AGAP5: variants seen among roughly 807,000 people sequenced by gnomAD.
The protein encoded by AGAP5 is ArfGAP with GTPase domain, ankyrin repeat and PH domain 5.
AGAP5 carries 8 observed loss-of-function variants against 27.7 expected under a neutral mutation model. The ratio of observed to expected loss-of-function variants is 0.29; its 90% confidence interval spans 0.17 to 0.52. The LOEUF is 0.52. Among genes scored for constraint, AGAP5 ranks in the 20% least tolerant of loss-of-function variants. The pLI is 0.97. For synonymous variants in AGAP5, 111 were observed against 338.0 expected, an observed-to-expected ratio of 0.33 and a Z score of 7.37; for missense variants, 285 against 880.8, an observed-to-expected ratio of 0.32 and a Z score of 8.56.
In AGAP5 at chr10:73,686,169, T is replaced by C. The variant is rs1349021639; in HGVS notation, c.397-3375A>G. ...GATTTCAAACTATACTATAAGGCCA[T>C]AGTCGCCAAAATAGCACGGTACTGA... On this transcript the variant is annotated intron_variant, in intron 4 of 7. Coordinates refer to ENST00000374094, the MANE Select transcript of AGAP5 (RefSeq NM_001144000.4). Among the ~76,000 whole-genome samples, 3 of 152,176 alleles carry C rather than the reference T, an allele frequency of 2.0e-5. No individual in the cohort carries two copies. The East Asian group carries it at 5.8e-4, about 29-fold the overall frequency.
intron 4 of AGAP5, among the ~76,000 whole-genome samples, chr10:73,691,790 C>A (rs974320986): frequency 4.7e-4 from 71 of 152,062 alleles, no homozygotes; most frequent in African/African-American, 1.7e-3. Flanking sequence ...CCATGCCCAG[C>A]CTTAAGGCAG....
chr10:73,695,956 C>A (rs1269542415), intron 2 of AGAP5, among the ~76,000 whole-genome samples: 2 of 152,136 alleles, frequency 1.3e-5, no homozygotes, highest in Non-Finnish European at 2.9e-5. Flanking sequence ...TCTTTTCTAC[C>A]AGCTCCCATC....
chr10:73,688,524 C>T (rs3878047), intron 4 of AGAP5, among the ~76,000 whole-genome samples: 1 of 150,878 alleles, frequency 6.6e-6, no homozygotes, highest in Admixed American at 6.6e-5. Flanking sequence ...AAAAAAAAAA[C>T]CTTAAAACAC....
At chr10:73,686,334 G>A (rs1039313081) in intron 4 of AGAP5, among the ~76,000 whole-genome samples, 5 of 152,170 alleles carry the variant, frequency 3.3e-5, no homozygotes, top group Non-Finnish European at 7.3e-5. Flanking sequence ...AAATGGTGCT[G>A]GGATAATTGG....
rs538756466 is a variant in AGAP5 at position 73,679,384 on chromosome 10, G to A, written c.533+687C>T. Among the ~76,000 whole-genome samples the A allele has an allele frequency of 2.1e-4, 32 of 151,894 alleles. 1 individual carries two copies. The South Asian group carries it at 6.7e-3, about 32-fold the overall frequency. On this transcript the variant is annotated intron_variant, in intron 6 of 7. Coordinates refer to ENST00000374094, the MANE Select transcript of AGAP5 (RefSeq NM_001144000.4). ...TCGCCGTGTTAGCCAGAATGGTCTC[G>A]ATCTCCTGACCTTGTGATCCGCCCG...
At chr10:73,687,145 A>C (rs2082071462) in intron 4 of AGAP5, among the ~76,000 whole-genome samples, 1 of 152,164 alleles carries the variant, frequency 6.6e-6, no homozygotes, top group African/African-American at 2.4e-5. Context: ...TAAATAAATA[A>C]AGTACAGCAT....
intron 4 of AGAP5, among the ~76,000 whole-genome samples, chr10:73,691,038 C>T (rs1589475757): frequency 1.3e-5 from 2 of 152,156 alleles, no homozygotes; most frequent in East Asian, 3.8e-4. Context: ...TGTTAGAAAA[C>T]AGGCAAATGA....
At chr10:73,676,445 G>A (rs2081980889) in intron 7 of AGAP5, among the ~76,000 whole-genome samples, 1 of 141,838 alleles carries the variant, frequency 7.1e-6, no homozygotes, top group Admixed American at 7.1e-5. Context: ...AAGATCGCGC[G>A]ATTGCACTCC....
intron 3 of AGAP5, among the ~76,000 whole-genome samples, chr10:73,693,772 C>T (rs1202820558): frequency 2.0e-5 from 3 of 148,930 alleles, no homozygotes; most frequent in African/African-American, 5.2e-5. Context: ...TGTGGAACCA[C>T]CTGCTTCCCC....
At chr10:73,680,490 T>C (rs2082016524) in intron 5 of AGAP5, among the ~76,000 whole-genome samples, 2 of 125,414 alleles carry the variant, frequency 1.6e-5, no homozygotes, top group East Asian at 4.6e-4. Flanking sequence ...CCATCTTGAC[T>C]CCTCACAACC....
At chr10:73,689,012 C>T (rs1397999805) in intron 4 of AGAP5, among the ~76,000 whole-genome samples, 1 of 152,154 alleles carries the variant, frequency 6.6e-6, no homozygotes, top group African/African-American at 2.4e-5. Flanking sequence ...CTCCGCCTCT[C>T]CCCACAGTCT....
At position 73,674,760 on chromosome 10, in the gene AGAP5, T is replaced by C; in HGVS notation, c.1900A>G (p.Lys634Glu). ...GCTALHLACR[K>E]GNVVLAQLLI... is the part of the protein sequence containing the mutation. ...AGCTGTGCCAGGACCACATTCCCCTTGCGGCAGGCCAGATGGAGCGCCGTG... is the reference window on the plus strand; with the variant it reads ...AGCTGTGCCAGGACCACATTCCCCTCGCGGCAGGCCAGATGGAGCGCCGTG... The change falls in exon 8 of 8, where the codon AAG becomes GAG. Residue 634 changes from lysine (K) to glutamate (E), a missense_variant. By Grantham distance (56) the Lys-to-Glu change is moderately conservative (BLOSUM62 1). Transcript: ENST00000374094. The C allele has an allele frequency of 6.2e-7, 1 of 1,612,058 alleles. No individual in the cohort carries two copies. Among genetic ancestry groups the C allele is most frequent in the South Asian group, 1.1e-5 (1 of 90,994 alleles).
In AGAP5 at chr10:73,685,969, T is replaced by C. The variant is rs530216314; in HGVS notation, c.397-3175A>G. ...ATGGGTAGAATGAATATTGTGAAAA[T>C]GACCATACTGCCAAAAGCAATCTAT... On this transcript the variant is annotated intron_variant, in intron 4 of 7. Transcript: ENST00000374094. Among the ~76,000 whole-genome samples, 174 of 152,140 alleles carry C rather than the reference T, an allele frequency of 1.1e-3. 5 individuals carry two copies. The East Asian group carries it at 0.026, about 23-fold the overall frequency.
At chr10:73,679,185 C>T (rs1461884408) in intron 6 of AGAP5, among the ~76,000 whole-genome samples, 2 of 150,842 alleles carry the variant, frequency 1.3e-5, no homozygotes, top group Non-Finnish European at 3.0e-5. Context: ...TTTGTTTAGA[C>T]AGAGTCTTGC....
intron 4 of AGAP5, among the ~76,000 whole-genome samples, chr10:73,691,079 A>T (rs939599332): frequency 6.6e-6 from 1 of 152,252 alleles, no homozygotes; most frequent in Non-Finnish European, 1.5e-5. Flanking sequence ...TCATGCTAAA[A>T]AATAATGGAT....
chr10:73,677,329 G>A (rs1045833874), intron 6 of AGAP5, among the ~76,000 whole-genome samples: 3 of 148,598 alleles, frequency 2.0e-5, no homozygotes, highest in African/African-American at 5.0e-5. Flanking sequence ...TGGACCTCTC[G>A]GGATCCCGAA....
At chr10:73,687,539 A>G (rs192637428) in intron 4 of AGAP5, among the ~76,000 whole-genome samples, 6 of 152,378 alleles carry the variant, frequency 3.9e-5, no homozygotes, top group Admixed American at 2.6e-4. Flanking sequence ...AAACAGCTCC[A>G]TATATGTTGT....
At chr10:73,686,953 A>G (rs2082069584) in intron 4 of AGAP5, among the ~76,000 whole-genome samples, 1 of 152,060 alleles carries the variant, frequency 6.6e-6, no homozygotes, top group African/African-American at 2.4e-5. Flanking sequence ...AGAATGATAC[A>G]ATGGACTTTG....
chr10:73,690,457 G>T (rs2082107655), intron 4 of AGAP5, among the ~76,000 whole-genome samples: 1 of 151,986 alleles, frequency 6.6e-6, no homozygotes, highest in Non-Finnish European at 1.5e-5. Context: ...AAGTACCCAG[G>T]GACACAAACA....
Sources: gnomAD v4.1 joint callset for allele counts (sites outside exome capture counted in the v4.1 genomes callset) on GRCh38, gnomAD v4.1.1 for gene constraint, MANE v1.5 for transcripts, NCBI Gene and HGNC (gene_info 2026-07-23, HGNC 2026-07-21) for gene names.